The following ITPK1 variants were observed in gnomAD, a reference collection of about 807,000 sequenced individuals.
ITPK1 encodes inositol-tetrakisphosphate 1-kinase.
In ITPK1, 21 loss-of-function variants were observed where a neutral mutation model predicts 45.3. The observed-to-expected ratio is 0.46, with a 90% CI of 0.33 to 0.67. The LOEUF is 0.67. ITPK1 is among the 30% of genes least tolerant of loss of function. ITPK1 has a pLI of 0.02. For synonymous variants in ITPK1, 258 were observed against 253.6 expected (o/e 1.02, Z -0.16); for missense variants, 474 against 573.5 (o/e 0.83, Z 1.77).
Position 92,941,556 on chromosome 14 carries a change from C to G in ITPK1, c.*5G>C. The G allele has an allele frequency of 6.6e-7, 1 of 1,526,578 alleles. No individual in the cohort carries two copies. 94.6% of individuals were successfully genotyped at this position (1,526,578 alleles called of 1,614,324 possible). A position where few individuals can be genotyped will look rare whatever the true frequency, so the allele number is the denominator to read the frequency against. ...GCGCTGCCCCTCTGGGTCCCGGCTC[C>G]GTGGCTACTGGGAGGAGGCCTTGGT... is the stretch of plus-strand genomic sequence containing the variant. On this transcript the variant is annotated 3_prime_UTR_variant, in exon 11 of 11. Transcript: ENST00000267615.
In ITPK1 at chr14:92,944,392, C is replaced by A. The variant is rs531372598; in HGVS notation, c.901+1939G>T. Among the ~76,000 whole-genome samples the A allele has an allele frequency of 2.0e-5, 3 of 152,254 alleles. No individual in the cohort carries two copies. In the South Asian group the frequency reaches 6.2e-4, roughly 32 times the overall value. On this transcript the variant is annotated intron_variant, in intron 10 of 10. Transcript: ENST00000267615. ...CGCCAGGCTCAGCCATAGTCCCACCCCATCTGGGTGGCCCTTCTCTTGGCT... is the reference window on the plus strand; with the variant it reads ...CGCCAGGCTCAGCCATAGTCCCACCACATCTGGGTGGCCCTTCTCTTGGCT...
At position 92,940,962 on chromosome 14, in the gene ITPK1, G is replaced by C; in HGVS notation, c.*599C>G. On this transcript the variant is annotated 3_prime_UTR_variant, in exon 11 of 11. Coordinates refer to ENST00000267615, the MANE Select transcript of ITPK1 (RefSeq NM_014216.6). ...GAGGGAGCACAGCCCAGACCCCAGC[G>C]CGGAACTCCCCTGAGGGGTCTGTGG... is the stretch of plus-strand genomic sequence containing the variant. 1 of 1,286,454 alleles carries C rather than the reference G, an allele frequency of 7.8e-7. No homozygotes were observed. The highest frequency in any genetic ancestry group is 1.0e-6 in the Non-Finnish European group (1 of 988,248). The allele number at this position is 1,286,454 out of a possible 1,614,324, so 79.7% of individuals were successfully genotyped here.
intron 2 of ITPK1, among the ~76,000 whole-genome samples, chr14:93,088,013 C>T (rs1426596290): frequency 6.6e-6 from 1 of 152,208 alleles, no homozygotes; most frequent in Non-Finnish European, 1.5e-5. Context: ...GACACTTGGG[C>T]TCATCCTGAG....
At chr14:92,961,195 C>T (rs1885052070) in intron 7 of ITPK1, among the ~76,000 whole-genome samples, 1 of 152,228 alleles carries the variant, frequency 6.6e-6, no homozygotes, top group African/African-American at 2.4e-5. Context: ...CCCAGCATAC[C>T]CCAACATGTG....
chr14:92,949,996 C>T (rs992816103), intron 9 of ITPK1, among the ~76,000 whole-genome samples: 19 of 152,162 alleles, frequency 1.2e-4, no homozygotes, highest in Non-Finnish European at 2.8e-4. Context: ...GTGCTTCTCA[C>T]CCAGGAACTC....
At chr14:92,952,490 C>T (rs924003109) in intron 8 of ITPK1, among the ~76,000 whole-genome samples, 1 of 151,544 alleles carries the variant, frequency 6.6e-6, no homozygotes, top group East Asian at 2.0e-4. Context: ...GGCACCGGCA[C>T]GTGAGCACTT....
Position 92,940,655 on chromosome 14 carries a change from C to T in ITPK1, c.*906G>A, listed in dbSNP as rs1887318789. 8.0e-7 allele frequency: 1 copy of T among 1,251,664 alleles called. No individual in the cohort carries two copies. The highest frequency in any genetic ancestry group is 1.3e-5 in the South Asian group (1 of 75,040). 77.5% of individuals were successfully genotyped at this position (1,251,664 alleles called of 1,614,324 possible). On this transcript the variant is annotated 3_prime_UTR_variant, in exon 11 of 11. Transcript: ENST00000267615. ...CTTTATGGAAAGGCAGGCTGCATCC[C>T]AGGGGTTAGGGCACAAAGCCAGCCC...
chr14:92,959,661 T>A (rs6575305), intron 7 of ITPK1, among the ~76,000 whole-genome samples: 22,739 of 151,512 alleles, frequency 0.15, 2,298 homozygotes, highest in African/African-American at 0.29. Context: ...CTCTGCAAAA[T>A]CATGGGTGGC....
At chr14:93,101,007 G>A (rs1892295853) in intron 2 of ITPK1, among the ~76,000 whole-genome samples, 1 of 152,290 alleles carries the variant, frequency 6.6e-6, no homozygotes, top group East Asian at 1.9e-4. Context: ...CTTCCCAGGA[G>A]AGCATCCCAA....
intron 3 of ITPK1, among the ~76,000 whole-genome samples, chr14:93,049,265 G>C (rs984303929): frequency 1.3e-5 from 2 of 152,256 alleles, no homozygotes; most frequent in African/African-American, 4.8e-5. Context: ...CTGTGTGGAA[G>C]GCCTCCTGCA....
At chr14:93,021,589 T>C (rs1888463512) in intron 3 of ITPK1, among the ~76,000 whole-genome samples, 1 of 136,142 alleles carries the variant, frequency 7.3e-6, no homozygotes, top group Admixed American at 7.9e-5. Context: ...TGAGACCCTG[T>C]CTCAAAAAAA....
intron 3 of ITPK1, among the ~76,000 whole-genome samples, chr14:93,061,206 G>C (rs1890504828): frequency 6.6e-6 from 1 of 152,190 alleles, no homozygotes; most frequent in African/African-American, 2.4e-5. Flanking sequence ...CACAGATCTG[G>C]GGCCAGGCTG....
chr14:93,059,877 C>T lies in ITPK1; in HGVS notation c.120+16718G>A, dbSNP rs564145594. 3.9e-3 allele frequency among the ~76,000 whole-genome samples: 227 copies of T among 58,570 alleles called. 1 individual carries two copies. Among genetic ancestry groups the T allele is most frequent in the African/African-American group, 0.016 (219 of 13,812 alleles). 38.4% of individuals were successfully genotyped at this position (58,570 alleles called of 152,430 possible). ...AGTGGAGGGGGTGCAAGTCACGAGG[C>T]AGGGGTGGAGGGGGTGCAGGTCATG... On this transcript the variant is annotated intron_variant, in intron 3 of 10. Coordinates refer to ENST00000267615, the MANE Select transcript of ITPK1 (RefSeq NM_014216.6).
At position 92,962,493 on chromosome 14, in the gene ITPK1, A is replaced by G. The variant is rs909188941; in HGVS notation, c.464-98T>C. On this transcript the variant is annotated intron_variant, in intron 6 of 10. Transcript: ENST00000267615. Reference sequence around the variant, plus strand: ...TCTAGAAAGGAACTCTAGCTGAGACACAGACTCTGGACACCTGGTATCTGC... The same window carrying G: ...TCTAGAAAGGAACTCTAGCTGAGACGCAGACTCTGGACACCTGGTATCTGC... 5.8e-6 allele frequency: 5 copies of G among 868,800 alleles called. No homozygotes were observed. The African/African-American group carries it at 8.2e-5, about 14-fold the overall frequency. 53.8% of individuals were successfully genotyped at this position (868,800 alleles called of 1,614,324 possible).
chr14:93,085,917 G>A (rs1410997257), intron 2 of ITPK1, among the ~76,000 whole-genome samples: 1 of 151,530 alleles, frequency 6.6e-6, no homozygotes, highest in Non-Finnish European at 1.5e-5. Context: ...GTTGGCTGCT[G>A]GGAGAGGGAG....
intron 2 of ITPK1, among the ~76,000 whole-genome samples, chr14:93,107,786 G>T (rs1892584992): frequency 6.6e-6 from 1 of 152,140 alleles, no homozygotes; most frequent in Admixed American, 6.5e-5. Context: ...CACTCCCAGG[G>T]GCCATCCAGA....
intron 7 of ITPK1, among the ~76,000 whole-genome samples, chr14:92,962,079 A>C (rs1885101071): frequency 6.6e-6 from 1 of 152,248 alleles, no homozygotes; most frequent in Non-Finnish European, 1.5e-5. Context: ...CACAGCTACG[A>C]CAGGCTCCAC....
At chr14:92,945,164 C>T (rs1341301443) in intron 10 of ITPK1, among the ~76,000 whole-genome samples, 1 of 152,250 alleles carries the variant, frequency 6.6e-6, no homozygotes, top group Non-Finnish European at 1.5e-5. Flanking sequence ...GCTCAAGCTG[C>T]ATCAGCATCT....
chr14:93,090,162 C>G (rs991649832), intron 2 of ITPK1, among the ~76,000 whole-genome samples: 1 of 151,932 alleles, frequency 6.6e-6, no homozygotes, highest in Non-Finnish European at 1.5e-5. Context: ...GCAGCAGGTG[C>G]ACACCTCCTC....
Sources: gnomAD v4.1 joint callset for allele counts (sites outside exome capture counted in the v4.1 genomes callset) on GRCh38, gnomAD v4.1.1 for gene constraint, MANE v1.5 for transcripts, NCBI Gene and HGNC (gene_info 2026-07-23, HGNC 2026-07-21) for gene names.